The following HYCC2 variants were observed in gnomAD, a reference collection of about 807,000 sequenced individuals.
HYCC2 encodes hyccin 2.
chr2:201,040,507 T>C, the HYCC2 span, among the ~76,000 whole-genome samples: 2 of 152,180 alleles, frequency 1.3e-5, no homozygotes, highest in South Asian at 2.1e-4. Flanking sequence ...TTGTTCATTT[T>C]TTTGAGACAA....
At chr2:201,038,477 A>G in the HYCC2 span, among the ~76,000 whole-genome samples, 1 of 152,200 alleles carries the variant, frequency 6.6e-6, no homozygotes, top group Admixed American at 6.5e-5. Context: ...ACAACAGCAA[A>G]GACTTGGAAC....
the HYCC2 span, among the ~76,000 whole-genome samples, chr2:201,013,829 G>T: frequency 0.029 from 4,444 of 152,212 alleles, 109 homozygotes; most frequent in Middle Eastern, 0.088. Context: ...ATCTTTGCAG[G>T]TATTTGTGAA....
chr2:201,069,570 ACACACACAC>A, the HYCC2 span, among the ~76,000 whole-genome samples: 4 of 141,412 alleles, frequency 2.8e-5, no homozygotes, highest in African/African-American at 1.0e-4. Context: ...ACACACACAC[ACACACACAC>A]ACACACACAC....
chr2:201,025,994 G>C, the HYCC2 span, among the ~76,000 whole-genome samples: 8 of 152,248 alleles, frequency 5.3e-5, no homozygotes, highest in African/African-American at 1.9e-4. Flanking sequence ...TGGGCTAAAT[G>C]CTCCAATTAA....
the HYCC2 span, among the ~76,000 whole-genome samples, chr2:200,986,580 G>A: frequency 1.3e-5 from 2 of 151,922 alleles, no homozygotes; most frequent in African/African-American, 4.8e-5. Context: ...GGTTCGGGGG[G>A]GAAGGGTATT....
the HYCC2 span, among the ~76,000 whole-genome samples, chr2:201,052,020 C>T: frequency 2.6e-5 from 4 of 152,210 alleles, no homozygotes; most frequent in Non-Finnish European, 5.9e-5. Context: ...GAAGAGGGCC[C>T]GATGTGGTGG....
the HYCC2 span, among the ~76,000 whole-genome samples, chr2:201,042,394 G>A: frequency 2.6e-5 from 4 of 152,054 alleles, no homozygotes; most frequent in African/African-American, 9.7e-5. Flanking sequence ...TAGGAAGTGA[G>A]GAGCGTCTCT....
At chr2:201,005,687 C>T in the HYCC2 span, among the ~76,000 whole-genome samples, 2 of 152,160 alleles carry the variant, frequency 1.3e-5, no homozygotes, top group Non-Finnish European at 2.9e-5. Flanking sequence ...TAGGGAGGCA[C>T]TTGCTAGCCA....
At chr2:201,037,545 T>G in the HYCC2 span, among the ~76,000 whole-genome samples, 4 of 152,090 alleles carry the variant, frequency 2.6e-5, no homozygotes, top group African/African-American at 9.7e-5. Flanking sequence ...AAAAGAGAGA[T>G]ATAGACCAAT....
chr2:200,992,463 A>G, the HYCC2 span: 86 of 870,256 alleles, frequency 9.9e-5, no homozygotes, highest in South Asian at 1.2e-3. Context: ...TTGGTTGTGA[A>G]GCAAAACTTT....
chr2:201,068,043 T>C, the HYCC2 span, among the ~76,000 whole-genome samples: 5 of 152,004 alleles, frequency 3.3e-5, no homozygotes, highest in East Asian at 1.9e-4. Flanking sequence ...CCAGCACTTA[T>C]GGAGGCCGAG....
chr2:201,021,726 C>A, the HYCC2 span: 3 of 201,504 alleles, frequency 1.5e-5, no homozygotes, highest in Non-Finnish European at 3.1e-5. Context: ...TTTTAATAAG[C>A]AAAGCTTAAA....
At chr2:201,035,916 G>A in the HYCC2 span, among the ~76,000 whole-genome samples, 21 of 152,214 alleles carry the variant, frequency 1.4e-4, no homozygotes, top group African/African-American at 3.1e-4. Context: ...GCAGAACAGC[G>A]GATATTGGTG....
chr2:201,033,331 A>C, the HYCC2 span, among the ~76,000 whole-genome samples: 1 of 151,892 alleles, frequency 6.6e-6, no homozygotes, highest in African/African-American at 2.4e-5. Context: ...CAGCCCCCTA[A>C]GTAGCTGGTA....
the HYCC2 span, chr2:201,023,705 A>G: frequency 3.6e-6 from 1 of 278,664 alleles, no homozygotes; most frequent in Non-Finnish European, 6.7e-6. Context: ...AATATATTTT[A>G]AAATATCGTC....
At chr2:201,062,792 T>G in the HYCC2 span, among the ~76,000 whole-genome samples, 1 of 150,704 alleles carries the variant, frequency 6.6e-6, no homozygotes, top group Non-Finnish European at 1.5e-5. Flanking sequence ...CACTCCAGCC[T>G]GGGCAACAGA....
chr2:200,979,609 C>T, the HYCC2 span: 1 of 152,052 alleles, frequency 6.6e-6, no homozygotes, highest in Non-Finnish European at 1.5e-5. Context: ...TTAACTTTTG[C>T]TAATTAGGAG....
the HYCC2 span, among the ~76,000 whole-genome samples, chr2:201,030,666 C>T: frequency 2.0e-5 from 3 of 151,762 alleles, no homozygotes; most frequent in African/African-American, 7.3e-5. Flanking sequence ...GCAACCTCCG[C>T]CTCCTGGGTT....
At chr2:200,990,684 G>C in the HYCC2 span, among the ~76,000 whole-genome samples, 1 of 151,600 alleles carries the variant, frequency 6.6e-6, no homozygotes, top group African/African-American at 2.4e-5. Flanking sequence ...GCAATTCTTT[G>C]CCTCAGCCTC....
Sources: allele counts gnomAD v4.1 joint callset (sites outside exome capture counted in the v4.1 genomes callset), GRCh38; gene constraint gnomAD v4.1.1; transcripts MANE v1.5; gene names NCBI Gene and HGNC (gene_info 2026-07-23, HGNC 2026-07-21).